SENP6: variants seen among roughly 807,000 people sequenced by gnomAD.
SENP6 encodes the protein sentrin-specific protease 6.
In SENP6, 41 loss-of-function variants were observed where a neutral mutation model predicts 134.5. That is an observed-to-expected ratio of 0.30 (90% confidence interval 0.24 to 0.40). The LOEUF is 0.40. Among genes scored for constraint, SENP6 ranks in the 10% least tolerant of loss-of-function variants. SENP6 has a pLI of 1.00. For synonymous variants in SENP6, 395 were observed against 429.8 expected (o/e 0.92, Z 1.00); for missense variants, 1,248 against 1,312.5 (o/e 0.95, Z 0.76).
At chr6:75,620,484 A>G (rs1325911297) in intron 1 of SENP6, among the ~76,000 whole-genome samples, 4 of 152,198 alleles carry the variant, frequency 2.6e-5, no homozygotes, top group African/African-American at 4.8e-5. Context: ...GGAAGGGGCA[A>G]ACAGGCTCCA....
At chr6:75,709,749 C>T in intron 20 of SENP6, 119 bp downstream of exon 20, 1 of 592,228 alleles carries the variant, frequency 1.7e-6, no homozygotes, top group East Asian at 2.8e-5. Flanking sequence ...GCAGAAAGAT[C>T]TCTTGAGCCT....
At chr6:75,623,758 C>T in intron 2 of SENP6, 142 bp from the exon 3 acceptor site, 2 of 589,352 alleles carry the variant, frequency 3.4e-6, no homozygotes, top group South Asian at 2.5e-5. Flanking sequence ...GACCATATGG[C>T]CTGCAAAGAC....
At position 75,627,894 on chromosome 6, in the gene SENP6, C is replaced by T. The variant is rs368707586; in HGVS notation, c.207+3934C>T. Among the ~76,000 whole-genome samples the T allele has an allele frequency of 8.1e-4, 123 of 152,116 alleles. 2 individuals carry two copies. Among genetic ancestry groups the T allele is most frequent in the East Asian group, 4.8e-3 (25 of 5,172 alleles). On this transcript the variant is annotated intron_variant, in intron 3 of 23. Coordinates refer to ENST00000447266, the MANE Select transcript of SENP6 (RefSeq NM_015571.4). ...GGGTTTCACCATGTGAGGCTGGTCT[C>T]GAACTCTGACCTCGTGATCTGCCCG...
intron 1 of SENP6, among the ~76,000 whole-genome samples, chr6:75,603,622 CTTAAAA>C (rs1429811199): frequency 2.6e-5 from 4 of 152,104 alleles, no homozygotes; most frequent in African/African-American, 7.2e-5. Flanking sequence ...TACAATTTAA[CTTAAAA>C]TTAAGAAAAT....
At chr6:75,649,473 G>A (rs796778760) in intron 7 of SENP6, among the ~76,000 whole-genome samples, 6 of 152,216 alleles carry the variant, frequency 3.9e-5, no homozygotes, top group African/African-American at 1.4e-4. Context: ...AGAAAAAAGA[G>A]CATGCTTATT....
At chr6:75,679,195 C>G in intron 16 of SENP6, 1 of 285,888 alleles carries the variant, frequency 3.5e-6, no homozygotes, top group Non-Finnish European at 6.4e-6. Flanking sequence ...GGGAGGATCG[C>G]TTGAGCCCAA....
chr6:75,703,808 A>T (rs1435068495), intron 19 of SENP6, among the ~76,000 whole-genome samples: 2 of 152,260 alleles, frequency 1.3e-5, no homozygotes, highest in East Asian at 3.9e-4. Flanking sequence ...ACTCAAAAAA[A>T]AATCCCATTG....
chr6:75,662,523 CAGTATTG>C (rs981652189), intron 8 of SENP6, among the ~76,000 whole-genome samples: 1 of 152,034 alleles, frequency 6.6e-6, no homozygotes, highest in Non-Finnish European at 1.5e-5. Flanking sequence ...TAAAACAGAG[CAGTATTG>C]AGATTCTAGT....
At position 75,647,772 on chromosome 6, in the gene SENP6, C is replaced by T. The variant is rs776030959; in HGVS notation, c.521C>T (p.Pro174Leu). The T allele has an allele frequency of 2.5e-6, 4 of 1,612,496 alleles. No homozygotes were observed. The highest frequency in any genetic ancestry group is 3.4e-6 in the Non-Finnish European group (4 of 1,179,090). ...PPHVQKVEIN[P>L]VRLSRLQGVE... ...CATGTCCAAAAAGTTGAAATTAATCCTGTAAGGTTAAGTCGGCTCCAAGGT... is the reference window on the plus strand; with the variant it reads ...CATGTCCAAAAAGTTGAAATTAATCTTGTAAGGTTAAGTCGGCTCCAAGGT... Residue 174 changes from proline (P) to leucine (L), a missense_variant, in exon 7 of 24, where the codon CCT becomes CTT. Coordinates refer to ENST00000447266, the MANE Select transcript of SENP6 (RefSeq NM_015571.4).
At position 75,678,830 on chromosome 6, in the gene SENP6, C is replaced by T. The variant is rs1307610247; in HGVS notation, c.1978C>T (p.Pro660Ser). The change falls in exon 16 of 24, where the codon CCT (proline) becomes TCT (serine). Residue 660 changes from proline to serine, a missense_variant. Physicochemically the swap from Pro to Ser is moderately conservative, Grantham distance 74. Around this residue, in one of 3 missense-constraint regions of SENP6, gnomAD observed 129 missense variants for 192.0 expected, o/e 0.67. Transcript: ENST00000447266. ...TTACAGGTTGATAGTATATCCACCA[C>T]CTCCAGCTAAGGGAGGCATCTCTGT... Reference protein sequence around the residue: ...PVEKLIVYPPPPAKGGISVTN... With the variant: ...PVEKLIVYPPSPAKGGISVTN... 4.4e-6 allele frequency: 7 copies of T among 1,603,088 alleles called. No individual in the cohort carries two copies. The highest frequency in any genetic ancestry group is 1.1e-5 in the South Asian group (1 of 90,508).
In SENP6 at chr6:75,672,771, T is replaced by A. The variant is rs190807347; in HGVS notation, c.1392+2051T>A. Among the ~76,000 whole-genome samples the A allele has an allele frequency of 2.0e-5, 3 of 152,348 alleles. No individual in the cohort carries two copies. The East Asian group carries it at 5.8e-4, about 29-fold the overall frequency. ...AATTCTACACTTGCTTATTATTAGA[T>A]AATTTAATCATTTTAATTTGCTCAG... is the stretch of plus-strand genomic sequence containing the variant. On this transcript the variant is annotated intron_variant, in intron 11 of 23. Transcript: ENST00000447266.
chr6:75,663,602 A>G (rs1771945311), intron 9 of SENP6, 84 bp downstream of exon 9: 2 of 969,252 alleles, frequency 2.1e-6, no homozygotes, highest in African/African-American at 1.7e-5. Flanking sequence ...CCCCAACCCC[A>G]TATATATTTT....
intron 19 of SENP6, among the ~76,000 whole-genome samples, chr6:75,704,009 T>C (rs945687254): frequency 6.6e-6 from 1 of 152,200 alleles, no homozygotes. Context: ...ATTTACACAT[T>C]GGTAAATTGA....
At chr6:75,625,638 G>A (rs924017543) in intron 3 of SENP6, among the ~76,000 whole-genome samples, 5 of 152,220 alleles carry the variant, frequency 3.3e-5, no homozygotes, top group Admixed American at 1.3e-4. Context: ...GGAGGCCAAA[G>A]CAGGCAGATC....
intron 19 of SENP6, among the ~76,000 whole-genome samples, chr6:75,705,842 T>C (rs1172978017): frequency 6.8e-6 from 1 of 147,996 alleles, no homozygotes; most frequent in Non-Finnish European, 1.5e-5. Flanking sequence ...AAAGAACCTA[T>C]CAAAAATTGT....
intron 16 of SENP6, among the ~76,000 whole-genome samples, chr6:75,695,105 A>G (rs945425271): frequency 6.6e-6 from 1 of 151,660 alleles, no homozygotes; most frequent in African/African-American, 2.4e-5. Flanking sequence ...TGAGCTCCCA[A>G]CCTCAGGTGA....
At chr6:75,707,027 TG>T (rs35353658) in intron 19 of SENP6, among the ~76,000 whole-genome samples, 14,608 of 152,264 alleles carry the variant, frequency 0.096, 724 homozygotes, top group Non-Finnish European at 0.11. Flanking sequence ...AGAGAACCAC[TG>T]ATCAAGTCAT....
At chr6:75,690,753 T>G (rs1582869409) in intron 16 of SENP6, among the ~76,000 whole-genome samples, 1 of 151,146 alleles carries the variant, frequency 6.6e-6, no homozygotes, top group Non-Finnish European at 1.5e-5. Context: ...TGGAGTGCAG[T>G]GGTGCAATCT....
intron 21 of SENP6, among the ~76,000 whole-genome samples, chr6:75,712,531 A>T (rs78499596): frequency 0.016 from 2,428 of 152,202 alleles, 64 homozygotes; most frequent in African/African-American, 0.056. Context: ...TAAAAAAAAA[A>T]AATAATAGCC....
Sources: gnomAD v4.1 joint callset for allele counts (sites outside exome capture counted in the v4.1 genomes callset) on GRCh38, gnomAD v4.1.1 for gene constraint, gnomAD v4.1.1 regional missense constraint, MANE v1.5 for transcripts, NCBI Gene and HGNC (gene_info 2026-07-23, HGNC 2026-07-21) for gene names.